Variants in CHD2 observed in about 807,000 individuals in gnomAD.
The protein encoded by CHD2 is chromodomain helicase DNA binding protein 2, also known as ATP-dependent chromatin remodeler CHD2.
CHD2 carries 28 observed loss-of-function variants against 243.9 expected under a neutral mutation model. The observed-to-expected ratio is 0.11, with a 90% CI of 0.09 to 0.16. The LOEUF (loss-of-function observed/expected upper bound fraction) is 0.16, where lower values mean the gene tolerates loss of function less well. Among genes scored for constraint, CHD2 ranks in the 10% least tolerant of loss-of-function variants. The pLI is 1.00. For missense variants in CHD2, 1,386 were observed against 2,209.8 expected, an observed-to-expected ratio of 0.63 and a Z score of 7.47; for synonymous variants, 775 against 779.0, an observed-to-expected ratio of 0.99 and a Z score of 0.09.
intron 19 of CHD2, among the ~76,000 whole-genome samples, chr15:92,973,407 A>G (rs1282533272): frequency 1.3e-5 from 2 of 152,154 alleles, no homozygotes; most frequent in African/African-American, 4.8e-5. Context: ...TAGTGCTTTG[A>G]TTTTTAAGAT....
intron 5 of CHD2, among the ~76,000 whole-genome samples, chr15:92,930,801 C>T (rs147207545): frequency 5.4e-4 from 82 of 152,212 alleles, no homozygotes; most frequent in African/African-American, 1.7e-3. Context: ...TGAGTAGAAC[C>T]TCTTAGTTCC....
At position 93,020,039 on chromosome 15, in the gene CHD2, A is replaced by T. The variant is rs751850387; in HGVS notation, c.4934A>T (p.Lys1645Met). Residue 1645 changes from lysine (K) to methionine (M), a missense_variant, in exon 38 of 39, where the codon AAG becomes ATG. By Grantham distance (95) the Lys-to-Met change is moderately conservative. This residue lies in a region of CHD2 where 347 missense variants were observed against 341.6 expected (regional missense o/e 1.02). Coordinates refer to ENST00000394196, the MANE Select transcript of CHD2 (RefSeq NM_001271.4). ...CGAGGAGACTGGCAGAGGGAAAGAA[A>T]GTTCAACTATGGTGGTGGCAACAAC... is the stretch of plus-strand genomic sequence containing the variant. ...ADRGDWQRER[K>M]FNYGGGNNNP... The T allele has an allele frequency of 1.4e-5, 22 of 1,613,388 alleles. No homozygotes were observed. The highest frequency in any genetic ancestry group is 1.9e-5 in the Non-Finnish European group (22 of 1,179,346).
At chr15:92,913,146 A>G (rs961771159) in intron 2 of CHD2, among the ~76,000 whole-genome samples, 1 of 152,212 alleles carries the variant, frequency 6.6e-6, no homozygotes, top group Non-Finnish European at 1.5e-5. Context: ...TGTGTCCAAG[A>G]ATCTGTATGT....
Position 92,920,625 on chromosome 15 carries a change from G to C in CHD2, c.63-3696G>C, listed in dbSNP as rs12439767. On this transcript the variant is annotated intron_variant, in intron 2 of 38. Transcript: ENST00000394196. ...GGTCTCTAGTTGGTAAAGATTTTCAGTCTTTTTGTTGCTGTTGGAGTTTTC... is the reference window on the plus strand; with the variant it reads ...GGTCTCTAGTTGGTAAAGATTTTCACTCTTTTTGTTGCTGTTGGAGTTTTC... Among the ~76,000 whole-genome samples the C allele has an allele frequency of 7.5e-3, 1,141 of 152,292 alleles. 60 individuals carry two copies. The highest frequency in any genetic ancestry group is 0.065 in the Admixed American group (994 of 15,294).
rs1036389345 is a variant in CHD2, at chr15:92,949,165, A to T, written c.1502+89A>T. ...AAGAATTTTTTTTTTCTTTTTTCAC[A>T]CCCTTATTGTATCTCAACCAAGAAA... On this transcript the variant is annotated intron_variant, in intron 13 of 38. Coordinates refer to ENST00000394196, the MANE Select transcript of CHD2 (RefSeq NM_001271.4). 7 of 1,564,370 alleles carry T rather than the reference A, an allele frequency of 4.5e-6. No individual in the cohort carries two copies. The African/African-American group carries it at 8.3e-5, about 19-fold the overall frequency.
At chr15:92,905,089 A>G in intron 2 of CHD2, 7 of 1,268,266 alleles carry the variant, frequency 5.5e-6, no homozygotes, top group Non-Finnish European at 7.6e-6. Flanking sequence ...ACGTTCAATA[A>G]CATTAAAAAG....
At chr15:93,024,344 TC>T in intron 38 of CHD2, 27 bp from the exon 39 acceptor site, 8 of 1,590,194 alleles carry the variant, frequency 5.0e-6, no homozygotes, top group Non-Finnish European at 6.9e-6. Context: ...CTTCAGTCTT[TC>T]GACTAATCCT....
chr15:92,960,977 G>A (rs1045190466), intron 16 of CHD2, among the ~76,000 whole-genome samples: 9 of 151,962 alleles, frequency 5.9e-5, no homozygotes, highest in Non-Finnish European at 1.0e-4. Context: ...GCCTGTCTCC[G>A]CCGCCTAAAG....
chr15:92,956,904 T>G (rs2053623106), intron 16 of CHD2, among the ~76,000 whole-genome samples: 1 of 152,144 alleles, frequency 6.6e-6, no homozygotes, highest in African/African-American at 2.4e-5. Context: ...AAATAATTGT[T>G]AAATAGATAA....
At position 92,998,571 on chromosome 15, in the gene CHD2, C is replaced by A; in HGVS notation, c.3958C>A (p.Leu1320Met). ...LQTRADYLLK[L>M]LRKGLEKKGA... is the part of the protein sequence containing the mutation. ...GACCCGAGCGGATTACTTGTTGAAG[C>A]TGCTCAGAAAGGGTCTGGAGAAGAA... The change falls in exon 31 of 39, where the codon CTG (leucine) becomes ATG (methionine). Residue 1320 changes from leucine to methionine, a missense_variant. Leu to Met is a conservative substitution (Grantham distance 15). This residue lies in a region of CHD2 where 99 missense variants were observed against 176.9 expected (regional missense o/e 0.56). Coordinates refer to ENST00000394196, the MANE Select transcript of CHD2 (RefSeq NM_001271.4). This position sits in a 1 kb window ranked among gnomAD's most constrained non-coding sequence, Gnocchi z 5.1. 6.2e-7 allele frequency: 1 copy of A among 1,613,666 alleles called. No individual in the cohort carries two copies. The highest frequency in any genetic ancestry group is 1.1e-5 in the South Asian group (1 of 91,050).
At chr15:93,011,783 T>C (rs915770887) in intron 35 of CHD2, among the ~76,000 whole-genome samples, 1 of 152,024 alleles carries the variant, frequency 6.6e-6, no homozygotes, top group Non-Finnish European at 1.5e-5. Flanking sequence ...ACTGAGAGTT[T>C]TAAGGAAGAA....
chr15:92,930,644 C>T (rs1596384481), intron 5 of CHD2, among the ~76,000 whole-genome samples: 1 of 152,112 alleles, frequency 6.6e-6, no homozygotes, highest in East Asian at 1.9e-4. Context: ...GTTTCTCAGG[C>T]TGGTTTCAAC....
At chr15:92,980,229 T>C (rs1472913017) in intron 22 of CHD2, among the ~76,000 whole-genome samples, 21 of 150,110 alleles carry the variant, frequency 1.4e-4, no homozygotes, top group Admixed American at 4.6e-4. Context: ...TTTCTTTTTT[T>C]TTTTTTTTTT....
intron 35 of CHD2, 147 bp downstream of exon 35, chr15:93,009,470 A>G: frequency 4.2e-6 from 3 of 711,782 alleles, no homozygotes; most frequent in South Asian, 2.2e-5. Flanking sequence ...GCAGGCTTTA[A>G]CTCCCTTTCC....
chr15:92,904,554 G>C, intron 2 of CHD2: 1 of 1,008,328 alleles, frequency 9.9e-7, no homozygotes, highest in Non-Finnish European at 1.2e-6. Flanking sequence ...GGACGCGTTT[G>C]CTCCTGGCAG....
rs545633721 is a variant in CHD2 at position 92,925,549 on chromosome 15, T to G, written c.294+997T>G. Among the ~76,000 whole-genome samples the G allele has an allele frequency of 4.6e-5, 7 of 152,304 alleles. No homozygotes were observed. The South Asian group carries it at 1.5e-3, about 32-fold the overall frequency. The stretch of plus-strand genomic sequence containing the variant: ...ACTGAAATGATTTTGCCCTCCCAGT[T>G]AATAAGGGCTCCATAAAAACCTGTG... On this transcript the variant is annotated intron_variant, in intron 3 of 38. Coordinates refer to ENST00000394196, the MANE Select transcript of CHD2 (RefSeq NM_001271.4).
At chr15:92,908,668 C>T (rs9673086) in intron 2 of CHD2, among the ~76,000 whole-genome samples, 6,920 of 152,254 alleles carry the variant, frequency 0.045, 508 homozygotes, top group African/African-American at 0.15. Flanking sequence ...TTGCCTGTCC[C>T]ATTTTTAAAT....
intron 35 of CHD2, among the ~76,000 whole-genome samples, chr15:93,009,981 C>T (rs1273626681): frequency 6.6e-6 from 1 of 152,200 alleles, no homozygotes; most frequent in African/African-American, 2.4e-5. Context: ...CACCCATCAC[C>T]CGAGCAGTGC....
In CHD2 at chr15:92,939,738, T is replaced by G. The variant is rs2053327035; in HGVS notation, c.692+20T>G. On this transcript the variant is annotated intron_variant, in intron 7 of 38. Transcript: ENST00000394196. ...CGTTAGGTAAGTTGTACCCCAGAAG[T>G]GTTTCACTGGTGTGATGTGATAAAG... 5 of 1,609,568 alleles carry G rather than the reference T, an allele frequency of 3.1e-6. No homozygotes were observed. Among genetic ancestry groups the G allele is most frequent in the Non-Finnish European group, 4.2e-6 (5 of 1,178,924 alleles).
Sources: allele counts gnomAD v4.1 joint callset (sites outside exome capture counted in the v4.1 genomes callset), GRCh38; gene constraint gnomAD v4.1.1; regional missense constraint gnomAD v4.1.1; non-coding constraint Gnocchi (gnomAD v3.1); transcripts MANE v1.5; gene names NCBI Gene and HGNC (gene_info 2026-07-23, HGNC 2026-07-21).